KNL1: variants seen among roughly 807,000 people sequenced by gnomAD.
KNL1 encodes the protein outer kinetochore KNL1 complex subunit KNL1.
In KNL1, 66 loss-of-function variants were observed where a neutral mutation model predicts 201.3. That is an observed-to-expected ratio of 0.33 (90% confidence interval 0.27 to 0.40). The LOEUF is 0.40. Ranked by LOEUF, KNL1 falls within the 10% of genes least tolerant of loss-of-function variation. KNL1 has a pLI of 1.00. For missense variants in KNL1, 2,815 were observed against 2,690.5 expected, an observed-to-expected ratio of 1.05 and a Z score of -1.02; for synonymous variants, 895 against 899.2, an observed-to-expected ratio of 1.00 and a Z score of 0.08.
intron 19 of KNL1, among the ~76,000 whole-genome samples, chr15:40,651,235 T>C (rs1893549408): frequency 6.6e-6 from 1 of 151,336 alleles, no homozygotes; most frequent in Non-Finnish European, 1.5e-5. Context: ...TGGATCCTAA[T>C]TTGAAAAACA....
chr15:40,610,234 T>G lies in KNL1; in HGVS notation c.198-11T>G. On this transcript the variant is annotated splice_polypyrimidine_tract_variant and intron_variant, in intron 5 of 25. Transcript: ENST00000399668. ...TTGCAGGTTTTCAATAATCTTTATT[T>G]TCTCTTCTAGGGTATTCCAGACGGA... The G allele has an allele frequency of 7.1e-7, 1 of 1,414,316 alleles. No individual in the cohort carries two copies. The highest frequency in any genetic ancestry group is 9.9e-7 in the Non-Finnish European group (1 of 1,006,786). The allele number at this position is 1,414,316 out of a possible 1,614,324, so 87.6% of individuals were successfully genotyped here. A position where few individuals can be genotyped will look rare whatever the true frequency, so the allele number is the denominator to read the frequency against.
chr15:40,646,870 A>T lies in KNL1; in HGVS notation c.6007-117A>T, dbSNP rs974304754. ...AGACTCCGCCTCAAAAAAAAAAAAA[A>T]AAAAAAAAGATTTGCCTGTTTGTGA... On this transcript the variant is annotated intron_variant, in intron 16 of 25. Transcript: ENST00000399668. 3 of 490,150 alleles carry T rather than the reference A, an allele frequency of 6.1e-6. No individual in the cohort carries two copies. In the African/African-American group the frequency reaches 6.1e-5, roughly 10 times the overall value. The allele number at this position is 490,150 out of a possible 1,614,324, so 30.4% of individuals were successfully genotyped here. A position where few individuals can be genotyped will look rare whatever the true frequency, so the allele number is the denominator to read the frequency against.
At chr15:40,605,505 G>A (rs371609835) in intron 3 of KNL1, among the ~76,000 whole-genome samples, 3 of 152,170 alleles carry the variant, frequency 2.0e-5, no homozygotes, top group Admixed American at 6.5e-5. Context: ...AGGCTGGAGC[G>A]CAGTGGTGTG....
intron 13 of KNL1, among the ~76,000 whole-genome samples, chr15:40,639,022 A>T (rs1893143055): frequency 6.6e-6 from 1 of 150,812 alleles, no homozygotes. Flanking sequence ...CCAACTCCCA[A>T]ACTCAGGTGA....
At chr15:40,629,883 T>C (rs1487600340) in intron 13 of KNL1, among the ~76,000 whole-genome samples, 1 of 152,136 alleles carries the variant, frequency 6.6e-6, no homozygotes, top group African/African-American at 2.4e-5. Flanking sequence ...TAATCATGGA[T>C]TTCGATAAGA....
intron 6 of KNL1, chr15:40,610,680 ACT>A (rs1261921746): frequency 2.2e-5 from 10 of 450,408 alleles, no homozygotes; most frequent in African/African-American, 1.8e-4. Flanking sequence ...ACAGAGCAAG[ACT>A]CTGTCTCAAA....
rs1022734932 is a variant in KNL1, at chr15:40,620,689, C to G, written c.425C>G (p.Thr142Arg). ...GAAAGGAAACATGCAAATGACCAGA[C>G]AGTCATTTTTTCAGATGAAAACCAG... is the stretch of plus-strand genomic sequence containing the variant. Reference protein sequence around the residue: ...TRERKHANDQTVIFSDENQMD... With the variant: ...TRERKHANDQRVIFSDENQMD... Residue 142 changes from threonine to arginine, a missense_variant, in exon 10 of 26, where the codon ACA (threonine) becomes AGA (arginine). Around this residue, in one of 3 missense-constraint regions of KNL1, gnomAD observed 2,464 missense variants for 2,291.7 expected, o/e 1.08. Coordinates refer to ENST00000399668, the MANE Select transcript of KNL1 (RefSeq NM_144508.5). 3.1e-6 allele frequency: 5 copies of G among 1,600,904 alleles called. No individual in the cohort carries two copies. In the African/African-American group the frequency reaches 5.4e-5, roughly 17 times the overall value.
intron 13 of KNL1, among the ~76,000 whole-genome samples, chr15:40,635,224 AT>A (rs898993750): frequency 5.5e-5 from 8 of 145,688 alleles, no homozygotes; most frequent in South Asian, 2.2e-4. Flanking sequence ...AATTTTTTGT[AT>A]TTTTTTTTAG....
At chr15:40,610,414 TG>T in intron 6 of KNL1, 117 bp downstream of exon 6, 1 of 655,438 alleles carries the variant, frequency 1.5e-6, no homozygotes, top group Non-Finnish European at 2.7e-6. Context: ...AAATATATGA[TG>T]GGCCATGCAT....
chr15:40,615,451 ACAAGAAACCATGAAC>A (rs1277646373), intron 8 of KNL1, 73 bp downstream of exon 8: 1 of 415,254 alleles, frequency 2.4e-6, no homozygotes, highest in East Asian at 8.2e-5. Flanking sequence ...ACTATTATGT[ACAAGAAACCATGAAC>A]CACGAAAAAA....
chr15:40,628,353 AT>A, intron 11 of KNL1, 145 bp downstream of exon 11: 1 of 835,482 alleles, frequency 1.2e-6, no homozygotes, highest in Non-Finnish European at 1.8e-6. Context: ...TATTTAGTTT[AT>A]TTTTAATTCT....
In KNL1 at chr15:40,622,676, A is replaced by G; in HGVS notation, c.2412A>G (p.Lys804=). 1 of 1,590,480 alleles carries G rather than the reference A, an allele frequency of 6.3e-7. No homozygotes were observed. Among genetic ancestry groups the G allele is most frequent in the South Asian group, 1.2e-5 (1 of 86,770 alleles). Residue 804 remains lysine (K), a synonymous_variant, in exon 10 of 26, where the codon AAA becomes AAG. Coordinates refer to ENST00000399668, the MANE Select transcript of KNL1 (RefSeq NM_144508.5). ...LTTMNRQIAV[K]VEKCGKSPIE... ...CAATGAACAGACAGATAGCTGTAAA[A>G]GTTGAAAAATGTGGTAAAAGTCCCA...
In KNL1 at chr15:40,624,227, C is replaced by G. The variant is rs1207106854; in HGVS notation, c.3963C>G (p.Leu1321=). The G allele has an allele frequency of 6.2e-7, 1 of 1,613,886 alleles. No individual in the cohort carries two copies. Among genetic ancestry groups the G allele is most frequent in the Admixed American group, 1.7e-5 (1 of 60,018 alleles). ...CTDNLEGSAM[L]LCDKDEEKAN... is the part of the protein sequence containing the mutation. The stretch of plus-strand genomic sequence containing the variant: ...ATAATTTGGAGGGTAGTGCCATGCT[C>G]TTATGTGATAAAGATGAGGAAAAAG... The change falls in exon 10 of 26, where the codon CTC becomes CTG. Residue 1321 remains leucine (L), a synonymous_variant. Transcript: ENST00000399668.
intron 1 of KNL1, 33 bp from the exon 2 acceptor site, chr15:40,602,882 C>T (rs1555418482): frequency 3.3e-6 from 4 of 1,205,388 alleles, no homozygotes; most frequent in East Asian, 2.4e-5. Flanking sequence ...TTCCTTTTTC[C>T]TCATGTTTTC....
chr15:40,614,286 T>TGGGGTTTCACCACGTTGGCC (rs1479346101), intron 7 of KNL1, among the ~76,000 whole-genome samples: 16 of 151,900 alleles, frequency 1.1e-4, no homozygotes, highest in African/African-American at 3.9e-4. Context: ...TTAGTAGAGA[T>TGGGGTTTCACCACGTTGGCC]GGGGTTTCAC....
chr15:40,663,584 A>G lies in KNL1; in HGVS notation c.*1396A>G, dbSNP rs140146200. The G allele has an allele frequency of 7.7e-4, 148 of 191,606 alleles. 2 individuals carry two copies. In the East Asian group the frequency reaches 0.012, roughly 16 times the overall value. 11.9% of individuals were successfully genotyped at this position (191,606 alleles called of 1,614,324 possible). On this transcript the variant is annotated 3_prime_UTR_variant, in exon 26 of 26. Coordinates refer to ENST00000399668, the MANE Select transcript of KNL1 (RefSeq NM_144508.5). Reference sequence around the variant, plus strand: ...TTCTTTTATTAAATAGTGACACGTCAAACAATGTCACATCCAAAACACTAG... The same window carrying G: ...TTCTTTTATTAAATAGTGACACGTCGAACAATGTCACATCCAAAACACTAG...
At chr15:40,614,992 G>T (rs1892293624) in intron 7 of KNL1, among the ~76,000 whole-genome samples, 1 of 152,032 alleles carries the variant, frequency 6.6e-6, no homozygotes, top group Non-Finnish European at 1.5e-5. Flanking sequence ...TGGACTTCAG[G>T]TCTCAAGTGA....
chr15:40,602,121 C>G (rs1307501205), intron 1 of KNL1, among the ~76,000 whole-genome samples: 1 of 151,538 alleles, frequency 6.6e-6, no homozygotes, highest in Non-Finnish European at 1.5e-5. Context: ...GCTCCGCCTC[C>G]CGGGTTCACG....
rs773394503 is a variant in KNL1 at position 40,620,640 on chromosome 15, T to C, written c.376T>C (p.Phe126Leu). Residue 126 changes from phenylalanine (F) to leucine (L), a missense_variant and splice_region_variant, in exon 10 of 26, where the codon TTT (phenylalanine) becomes CTT (leucine). Transcript: ENST00000399668. ...CTCTTATATTTTGCTTTCATTATAG[T>C]TTTCAATTATAGAACATACCCGTGA... ...PIHTQMQQKE[F>L]SIIEHTRERK... 6.5e-7 allele frequency: 1 copy of C among 1,546,578 alleles called. No homozygotes were observed. The highest frequency in any genetic ancestry group is 1.2e-5 in the South Asian group (1 of 80,218).
Sources: gnomAD v4.1 joint callset for allele counts (sites outside exome capture counted in the v4.1 genomes callset) on GRCh38, gnomAD v4.1.1 for gene constraint, gnomAD v4.1.1 regional missense constraint, MANE v1.5 for transcripts, NCBI Gene and HGNC (gene_info 2026-07-23, HGNC 2026-07-21) for gene names.